SERPINE2: variants seen among roughly 807,000 people sequenced by gnomAD.
The protein encoded by SERPINE2 is serpin family E member 2.
SERPINE2 carries 14 observed loss-of-function variants against 36.3 expected under a neutral mutation model. The ratio of observed to expected loss-of-function variants is 0.39; its 90% CI spans 0.25 to 0.60. The LOEUF (loss-of-function observed/expected upper bound fraction) is 0.60, where lower values mean the gene tolerates loss of function less well. SERPINE2 is among the 20% of genes least tolerant of loss of function. The pLI is 0.57. For synonymous variants in SERPINE2, 192 were observed against 191.8 expected (o/e 1.00, Z -0.01); for missense variants, 418 against 499.6 (o/e 0.84, Z 1.56).
intron 7 of SERPINE2, 120 bp from the exon 8 acceptor site, chr2:223,977,747 C>T: frequency 1.4e-6 from 1 of 701,164 alleles, no homozygotes; most frequent in Non-Finnish European, 2.6e-6. Flanking sequence ...ACACTTCATG[C>T]TTGTTCCATA....
At chr2:224,025,464 G>A (rs1692151755) in intron 1 of SERPINE2, among the ~76,000 whole-genome samples, 1 of 152,178 alleles carries the variant, frequency 6.6e-6, no homozygotes, top group Non-Finnish European at 1.5e-5. Context: ...AGATAAGACA[G>A]CCCTCTTCTT....
intron 1 of SERPINE2, among the ~76,000 whole-genome samples, chr2:224,032,268 G>A (rs909198558): frequency 6.6e-6 from 1 of 152,130 alleles, no homozygotes; most frequent in Non-Finnish European, 1.5e-5. Flanking sequence ...ATTCATTTCC[G>A]AGTGGGCTTT....
chr2:223,986,727 A>G (rs1295227718), intron 4 of SERPINE2, among the ~76,000 whole-genome samples: 2 of 152,198 alleles, frequency 1.3e-5, no homozygotes, highest in East Asian at 1.9e-4. Flanking sequence ...GAATGTGTTC[A>G]AGGGAGGAGA....
chr2:223,975,766 G>C lies in SERPINE2; in HGVS notation c.*101C>G, dbSNP rs917668562. 2.1e-6 allele frequency: 2 copies of C among 940,326 alleles called. No homozygotes were observed. Among genetic ancestry groups the C allele is most frequent in the Admixed American group, 4.8e-5 (2 of 41,372 alleles). 58.2% of individuals were successfully genotyped at this position (940,326 alleles called of 1,614,324 possible). On this transcript the variant is annotated 3_prime_UTR_variant, in exon 9 of 9. Coordinates refer to ENST00000409304, the MANE Select transcript of SERPINE2 (RefSeq NM_001136528.2). ...TAAGAACTAGTTTTGAAAAAGAAGC[G>C]ATGTACAAAAATATTTAACAGAACT...
chr2:223,985,256 T>C (rs565194256), intron 4 of SERPINE2, among the ~76,000 whole-genome samples: 1 of 151,626 alleles, frequency 6.6e-6, no homozygotes, highest in African/African-American at 2.4e-5. Flanking sequence ...AAGTTGACCC[T>C]CACATGAATA....
rs1692528121 is a variant in SERPINE2 at position 224,036,168 on chromosome 2, A to C, written c.-23+2931T>G. Among the ~76,000 whole-genome samples, 3 of 152,260 alleles carry C rather than the reference A, an allele frequency of 2.0e-5. No homozygotes were observed. In the South Asian group the frequency reaches 6.2e-4, roughly 32 times the overall value. ...AGGAGCATGCTCAAGCTAGCTTAAC[A>C]TGCCAATCTGGGACTCGCTTCATAT... On this transcript the variant is annotated intron_variant, in intron 1 of 8. Transcript: ENST00000409304.
chr2:224,007,881 G>A (rs920275148), intron 1 of SERPINE2, among the ~76,000 whole-genome samples: 6 of 152,162 alleles, frequency 3.9e-5, no homozygotes, highest in Non-Finnish European at 8.8e-5. Context: ...TCTGTCTTCT[G>A]TCCTTCCTGT....
intron 1 of SERPINE2, 101 bp from the exon 2 acceptor site, chr2:224,002,023 CTGGAG>C (rs1691197918): frequency 8.7e-7 from 1 of 1,152,550 alleles, no homozygotes; most frequent in Non-Finnish European, 1.2e-6. Flanking sequence ...TTCACCCAGG[CTGGAG>C]TGAAGTGGTG....
intron 4 of SERPINE2, among the ~76,000 whole-genome samples, chr2:223,986,301 C>T (rs2106142210): frequency 6.6e-6 from 1 of 152,302 alleles, no homozygotes; most frequent in East Asian, 1.9e-4. Context: ...GGTCCTAGCA[C>T]ACTGCATTTC....
At chr2:224,001,501 C>T in intron 2 of SERPINE2, 141 bp downstream of exon 2, 1 of 829,344 alleles carries the variant, frequency 1.2e-6, no homozygotes, top group East Asian at 2.7e-5. Context: ...AAGAGACTGA[C>T]CCCAAGCCCC....
chr2:223,989,232 T>C (rs753263567), intron 4 of SERPINE2, among the ~76,000 whole-genome samples: 24 of 152,252 alleles, frequency 1.6e-4, no homozygotes, highest in Non-Finnish European at 3.2e-4. Context: ...TTTTCTTCTC[T>C]TCTAGTTTTC....
chr2:224,038,691 C>T (rs1692610260), intron 1 of SERPINE2: 1 of 641,916 alleles, frequency 1.6e-6, no homozygotes, highest in Non-Finnish European at 2.8e-6. Flanking sequence ...AGCCTAAGTC[C>T]GGGGTAGGGG....
intron 1 of SERPINE2, chr2:224,038,757 C>G: frequency 1.9e-6 from 1 of 532,034 alleles, no homozygotes; most frequent in Non-Finnish European, 3.3e-6. Flanking sequence ...CTCGGATGGC[C>G]GGGCAGGAGC....
intron 1 of SERPINE2, among the ~76,000 whole-genome samples, chr2:224,022,548 A>G (rs1692042083): frequency 6.6e-6 from 1 of 152,196 alleles, no homozygotes; most frequent in African/African-American, 2.4e-5. Flanking sequence ...CTCTTACATT[A>G]TCTGACATTA....
rs1231938281 is a variant in SERPINE2 at position 224,003,696 on chromosome 2, A to C, written c.-22-1774T>G. ...TTATGGAAAAGCAAATACTTTCATT[A>C]AGTAAGAACTTAACAGTGGCAGCTG... On this transcript the variant is annotated intron_variant, in intron 1 of 8. Transcript: ENST00000409304. Among the ~76,000 whole-genome samples the C allele has an allele frequency of 2.0e-5, 3 of 152,330 alleles. No homozygotes were observed. In the East Asian group the frequency reaches 5.8e-4, roughly 29 times the overall value.
intron 3 of SERPINE2, 139 bp from the exon 4 acceptor site, chr2:223,992,139 C>A (rs1270244958): frequency 4.4e-6 from 3 of 687,096 alleles, no homozygotes; most frequent in Admixed American, 5.7e-5. Context: ...TCTTAAACTA[C>A]CCTTTTGTAC....
At chr2:224,002,434 G>T (rs181916358) in intron 1 of SERPINE2, among the ~76,000 whole-genome samples, 3 of 152,026 alleles carry the variant, frequency 2.0e-5, no homozygotes, top group African/African-American at 4.8e-5. Flanking sequence ...CCATCTCTTG[G>T]GTCCTTACAA....
At chr2:224,020,397 G>C (rs1002321039) in intron 1 of SERPINE2, among the ~76,000 whole-genome samples, 7 of 152,150 alleles carry the variant, frequency 4.6e-5, no homozygotes, top group Non-Finnish European at 8.8e-5. Flanking sequence ...ATAGAAACAA[G>C]ATAACACCTT....
chr2:223,993,564 G>A (rs984836680), intron 3 of SERPINE2, among the ~76,000 whole-genome samples: 1 of 151,918 alleles, frequency 6.6e-6, no homozygotes. Flanking sequence ...GTGTGTATGT[G>A]TGTATGTGTA....
Sources: gnomAD v4.1 joint callset for allele counts (sites outside exome capture counted in the v4.1 genomes callset) on GRCh38, gnomAD v4.1.1 for gene constraint, MANE v1.5 for transcripts, NCBI Gene and HGNC (gene_info 2026-07-23, HGNC 2026-07-21) for gene names.